Variants in DYNC2LI1 observed in about 807,000 individuals in gnomAD.
DYNC2LI1 encodes the protein cytoplasmic dynein 2 light intermediate chain 1.
A neutral mutation model predicts 51.9 loss-of-function variants in DYNC2LI1; 45 were observed. That is an observed-to-expected ratio of 0.87 (90% CI 0.68 to 1.11). The LOEUF is 1.11. Ranked by LOEUF, DYNC2LI1 falls within the 50% of genes most tolerant of loss-of-function variation. DYNC2LI1 has a pLI of 0.00. For missense variants in DYNC2LI1, 490 were observed against 417.4 expected, an observed-to-expected ratio of 1.17 and a Z score of -1.51; for synonymous variants, 130 against 137.8, an observed-to-expected ratio of 0.94 and a Z score of 0.40.
intron 10 of DYNC2LI1, among the ~76,000 whole-genome samples, chr2:43,803,213 C>A (rs1363698794): frequency 6.6e-6 from 1 of 152,170 alleles, no homozygotes. Flanking sequence ...CACAAAAAAT[C>A]TCTAGGCATA....
rs571621349 is a variant in DYNC2LI1 at position 43,789,840 on chromosome 2, G to T, written c.320+119G>T. ...CAGTTTTATGTTGCTGAAGGCTTATGCCCACTTCCTTTCTAAATGCCTAAC... is the reference window on the plus strand; with the variant it reads ...CAGTTTTATGTTGCTGAAGGCTTATTCCCACTTCCTTTCTAAATGCCTAAC... On this transcript the variant is annotated intron_variant, in intron 5 of 12. Coordinates refer to ENST00000260605, the MANE Select transcript of DYNC2LI1 (RefSeq NM_016008.4). 48 of 740,110 alleles carry T rather than the reference G, an allele frequency of 6.5e-5. No individual in the cohort carries two copies. In the African/African-American group the frequency reaches 7.7e-4, roughly 12 times the overall value. 45.8% of individuals were successfully genotyped at this position (740,110 alleles called of 1,614,324 possible). A position where few individuals can be genotyped will look rare whatever the true frequency, so the allele number is the denominator to read the frequency against.
rs558772893 is a variant in DYNC2LI1 at position 43,795,242 on chromosome 2, A to T, written c.507+599A>T. 2.3e-3 allele frequency: 2,196 copies of T among 962,972 alleles called. 2 individuals are homozygous for T. The highest frequency in any genetic ancestry group is 2.5e-3 in the Non-Finnish European group (2,028 of 809,214). The allele number at this position is 962,972 out of a possible 1,614,324, so 59.7% of individuals were successfully genotyped here. On this transcript the variant is annotated intron_variant, in intron 6 of 12. Transcript: ENST00000260605. ...AAAGTGTAGCAGGGTGCGATGGCTCATGCTTGTAATCCCAGCACTTTGGGT... is the reference window on the plus strand; with the variant it reads ...AAAGTGTAGCAGGGTGCGATGGCTCTTGCTTGTAATCCCAGCACTTTGGGT...
chr2:43,821,481 C>A, the DYNC2LI1 span, among the ~76,000 whole-genome samples: 4 of 152,312 alleles, frequency 2.6e-5, no homozygotes, highest in African/African-American at 9.6e-5. Flanking sequence ...TCTGAGGACA[C>A]CCTCTCTGAG....
chr2:43,786,319 C>T (rs902027141), intron 3 of DYNC2LI1, among the ~76,000 whole-genome samples: 1 of 152,124 alleles, frequency 6.6e-6, no homozygotes, highest in African/African-American at 2.4e-5. Context: ...CCACCTCAGC[C>T]TCCTGAGTAG....
chr2:43,803,251 T>C lies in DYNC2LI1; in HGVS notation c.803-1391T>C, dbSNP rs991896553. 4.6e-5 allele frequency among the ~76,000 whole-genome samples: 7 copies of C among 152,160 alleles called. No individual in the cohort carries two copies. In the East Asian group the frequency reaches 9.6e-4, roughly 21 times the overall value. On this transcript the variant is annotated intron_variant, in intron 10 of 12. Coordinates refer to ENST00000260605, the MANE Select transcript of DYNC2LI1 (RefSeq NM_016008.4). ...TTCATGGCAGCTTTATGTTTAGTAG[T>C]CAAAACCTAGAAACAGCCCAGAAGT...
At chr2:43,793,333 ATGTGGTGGTGCATGCC>A (rs1450014806) in intron 5 of DYNC2LI1, 1 of 152,262 alleles carries the variant, frequency 6.6e-6, no homozygotes, top group Non-Finnish European at 1.5e-5. Flanking sequence ...AATTAGCCGG[ATGTGGTGGTGCATGCC>A]TGTGATCCCA....
chr2:43,785,127 G>A (rs767332345), intron 3 of DYNC2LI1, among the ~76,000 whole-genome samples: 1 of 151,384 alleles, frequency 6.6e-6, no homozygotes, highest in African/African-American at 2.4e-5. Flanking sequence ...GTGAGAACTC[G>A]TCTGTACCAA....
rs1282100732 is a variant in DYNC2LI1 at position 43,800,180 on chromosome 2, G to A, written c.655-661G>A. Among the ~76,000 whole-genome samples the A allele has an allele frequency of 3.3e-5, 5 of 152,124 alleles. No individual in the cohort carries two copies. The East Asian group carries it at 9.6e-4, about 29-fold the overall frequency. On this transcript the variant is annotated intron_variant, in intron 8 of 12. Transcript: ENST00000260605. ...GATCTGTAGGGTAACCATATGTCCT[G>A]GTATTCATCTGATGTCACAGCTTAA...
chr2:43,822,398 T>G, the DYNC2LI1 span: 1 of 441,430 alleles, frequency 2.3e-6, no homozygotes, highest in Non-Finnish European at 3.0e-6. Flanking sequence ...GCCTCCTCTG[T>G]TGGTTGCTGT....
the DYNC2LI1 span, chr2:43,823,061 G>T: frequency 1.5e-6 from 2 of 1,309,906 alleles, no homozygotes; most frequent in Non-Finnish European, 2.1e-6. Context: ...GGGTTCCCTA[G>T]TCATAGAAGG....
intron 3 of DYNC2LI1, among the ~76,000 whole-genome samples, chr2:43,784,475 T>C (rs976336948): frequency 6.6e-6 from 1 of 152,136 alleles, no homozygotes; most frequent in Non-Finnish European, 1.5e-5. Context: ...GTTTCGCTCT[T>C]GTTGCCCAGG....
Position 43,795,926 on chromosome 2 carries a change from G to A in DYNC2LI1, c.544G>A (p.Val182Ile), listed in dbSNP as rs752789868. Reference protein sequence around the residue: ...ELIDPFPVPLVIIGSKYDVFQ... With the variant: ...ELIDPFPVPLIIIGSKYDVFQ... Reference sequence around the variant, plus strand: ...AATTGACCCATTTCCGGTACCTCTGGTCATAATTGGAAGTAAATATGATGT... The same window carrying A: ...AATTGACCCATTTCCGGTACCTCTGATCATAATTGGAAGTAAATATGATGT... Residue 182 changes from valine (V) to isoleucine (I), a missense_variant, in exon 7 of 13, where the codon GTC (valine) becomes ATC (isoleucine). By Grantham distance (29) the Val-to-Ile change is conservative. Transcript: ENST00000260605. The A allele has an allele frequency of 6.8e-6, 11 of 1,613,314 alleles. No individual in the cohort carries two copies. The East Asian group carries it at 2.2e-4, about 33-fold the overall frequency.
At chr2:43,796,134 A>T (rs1419488737) in intron 7 of DYNC2LI1, among the ~76,000 whole-genome samples, 176 bp downstream of exon 7, 1 of 152,208 alleles carries the variant, frequency 6.6e-6, no homozygotes, top group Non-Finnish European at 1.5e-5. Flanking sequence ...TAGGTAAAGA[A>T]AATAAATGCA....
At chr2:43,796,311 T>G (rs922561281) in intron 7 of DYNC2LI1, among the ~76,000 whole-genome samples, 1 of 150,094 alleles carries the variant, frequency 6.7e-6, no homozygotes, top group East Asian at 1.9e-4. Context: ...CCAGCCTGGG[T>G]TACACAGTGA....
At chr2:43,793,213 C>T (rs1415494700) in intron 5 of DYNC2LI1, 1 of 152,870 alleles carries the variant, frequency 6.5e-6, no homozygotes, top group Non-Finnish European at 1.5e-5. Context: ...GTGGCTTACA[C>T]CTGTAATCCC....
rs1478150827 is a variant in DYNC2LI1, at chr2:43,787,166, G to A, written c.162-15G>A. ...ACCACCTACAATGATAATACTATCG[G>A]CCTTTATTATACAGAGATGAACCAC... On this transcript the variant is annotated splice_polypyrimidine_tract_variant and intron_variant, in intron 3 of 12. Transcript: ENST00000260605. 10 of 1,600,752 alleles carry A rather than the reference G, an allele frequency of 6.2e-6. No individual in the cohort carries two copies. The highest frequency in any genetic ancestry group is 5.4e-5 in the African/African-American group (4 of 74,618).
chr2:43,810,577 C>T (rs907198148), downstream of DYNC2LI1: 7 of 938,352 alleles, frequency 7.5e-6, no homozygotes, highest in Middle Eastern at 5.6e-4. Context: ...CTTCCATGTC[C>T]ACATACAAAA....
At chr2:43,813,265 T>C (rs1293491018), downstream of DYNC2LI1, 1 of 1,613,820 alleles carries the variant, frequency 6.2e-7, no homozygotes, top group Non-Finnish European at 8.5e-7. Context: ...ATTCCTTGAG[T>C]GAAGGCACAC....
At chr2:43,774,609 A>T (rs1453981688) in intron 1 of DYNC2LI1, among the ~76,000 whole-genome samples, 1 of 152,196 alleles carries the variant, frequency 6.6e-6, no homozygotes, top group Non-Finnish European at 1.5e-5. Context: ...CTAGCTGTTC[A>T]ATTCTATGAT....
Sources: allele counts gnomAD v4.1 joint callset (sites outside exome capture counted in the v4.1 genomes callset), GRCh38; gene constraint gnomAD v4.1.1; transcripts MANE v1.5; gene names NCBI Gene and HGNC (gene_info 2026-07-23, HGNC 2026-07-21).